SRSF11: variants seen among roughly 807,000 people sequenced by gnomAD.
The protein encoded by SRSF11 is serine/arginine-rich splicing factor 11.
A neutral mutation model predicts 56.0 loss-of-function variants in SRSF11; 9 were observed. The ratio of observed to expected loss-of-function variants is 0.16; its 90% CI spans 0.10 to 0.28. The LOEUF is 0.28. Ranked by LOEUF, SRSF11 falls within the 10% of genes least tolerant of loss-of-function variation. The probability of loss-of-function intolerance (pLI) is 1.00; values close to 1 mark genes in which losing one functional copy is unlikely to be tolerated. For missense variants in SRSF11, 421 were observed against 600.7 expected, an observed-to-expected ratio of 0.70 and a Z score of 3.13; for synonymous variants, 222 against 215.3, an observed-to-expected ratio of 1.03 and a Z score of -0.27.
chr1:70,246,755 T>C, intron 8 of SRSF11, 63 bp from the exon 9 acceptor site: 1 of 981,372 alleles, frequency 1.0e-6, no homozygotes, highest in Non-Finnish European at 1.6e-6. Context: ...GTGTTTGTAG[T>C]GCTATATAAA....
At chr1:70,206,195 A>C (rs930963234) in intron 1 of SRSF11, among the ~76,000 whole-genome samples, 1 of 152,240 alleles carries the variant, frequency 6.6e-6, no homozygotes, top group Admixed American at 6.5e-5. Context: ...TCTGTGTATC[A>C]GACAGTTTAG....
rs1213176197 is a variant in SRSF11 at position 70,252,200 on chromosome 1, CTTAGCTTAGTATCAT to C, written c.*1398_*1412del. The C allele has an allele frequency of 2.0e-5, 3 of 152,130 alleles. No homozygotes were observed. Among genetic ancestry groups the C allele is most frequent in the Non-Finnish European group, 4.4e-5 (3 of 67,964 alleles). The allele number at this position is 152,130 out of a possible 1,614,324, so 9.4% of individuals were successfully genotyped here. ...AATTTCTATCCAAAATAGTCCTTTT[CTTAGCTTAGTATCAT>C]TTTATTGCTTATTTTTTGTGTGGGA... is the stretch of plus-strand genomic sequence containing the variant. On this transcript the variant is annotated 3_prime_UTR_variant, in exon 12 of 12. Coordinates refer to ENST00000370949, the MANE Select transcript of SRSF11 (RefSeq NM_001350605.2).
chr1:70,236,413 C>T (rs1271874967), intron 5 of SRSF11, among the ~76,000 whole-genome samples: 1 of 151,026 alleles, frequency 6.6e-6, no homozygotes, highest in South Asian at 2.1e-4. Context: ...TCACTGCAAC[C>T]TCCGCCTCCC....
chr1:70,250,536 G>A (rs1677765769), intron 11 of SRSF11, 33 bp downstream of exon 11: 1 of 1,607,032 alleles, frequency 6.2e-7, no homozygotes, highest in Non-Finnish European at 8.5e-7. Flanking sequence ...TTTTATATTT[G>A]GGGTGATGTT....
Position 70,221,626 on chromosome 1 carries a change from C to G in SRSF11, c.-11C>G, listed in dbSNP as rs1306989682. 1 of 1,604,784 alleles carries G rather than the reference C, an allele frequency of 6.2e-7. No homozygotes were observed. The highest frequency in any genetic ancestry group is 8.5e-7 in the Non-Finnish European group (1 of 1,175,708). ...ATGTGTTAAAGCAGGAGCGAGAACC[C>G]GAGCAGCGCCATGAGCAACACTACC... On this transcript the variant is annotated 5_prime_UTR_variant, in exon 1 of 12. Coordinates refer to ENST00000370949, the MANE Select transcript of SRSF11 (RefSeq NM_001350605.2).
intron 1 of SRSF11, among the ~76,000 whole-genome samples, chr1:70,211,958 A>T (rs1483379222): frequency 6.6e-6 from 1 of 152,002 alleles, no homozygotes; most frequent in African/African-American, 2.4e-5. Context: ...CTACCATCTC[A>T]TCCCTCCCCT....
At position 70,221,496 on chromosome 1, in the gene SRSF11, C is replaced by T. The variant is rs1670603499; in HGVS notation, c.-141C>T. On this transcript the variant is annotated 5_prime_UTR_variant, in exon 1 of 12. Transcript: ENST00000370949. ...CGGGGCGGAGAAACGGCGGCGGCGGCGGCGGCATCGGCAGCAGTAGCAGAG... is the reference window on the plus strand; with the variant it reads ...CGGGGCGGAGAAACGGCGGCGGCGGTGGCGGCATCGGCAGCAGTAGCAGAG... 1.6e-6 allele frequency: 2 copies of T among 1,227,142 alleles called. No homozygotes were observed. Among genetic ancestry groups the T allele is most frequent in the South Asian group, 1.6e-5 (1 of 62,052 alleles). The allele number at this position is 1,227,142 out of a possible 1,614,324, so 76.0% of individuals were successfully genotyped here.
intron 1 of SRSF11, among the ~76,000 whole-genome samples, chr1:70,223,880 C>T (rs1671177696): frequency 6.6e-6 from 1 of 152,122 alleles, no homozygotes; most frequent in Non-Finnish European, 1.5e-5. Context: ...AAAATTCTAT[C>T]TGTTGTGAAC....
chr1:70,243,181 C>G (rs1431792081), intron 7 of SRSF11, among the ~76,000 whole-genome samples: 1 of 151,666 alleles, frequency 6.6e-6, no homozygotes, highest in Non-Finnish European at 1.5e-5. Context: ...GTACAGTCCC[C>G]TCCGTATATG....
intron 1 of SRSF11, chr1:70,222,687 G>A (rs1670925761): frequency 1.3e-5 from 2 of 152,132 alleles, no homozygotes. Flanking sequence ...CTTATTGGTG[G>A]AGAAGTGACA....
rs548830799 is a variant in SRSF11, at chr1:70,221,455, C to A, written c.-182C>A. The A allele has an allele frequency of 2.3e-6, 2 of 884,252 alleles. No individual in the cohort carries two copies. Among genetic ancestry groups the A allele is most frequent in the Admixed American group, 2.6e-5 (1 of 39,176 alleles). The allele number at this position is 884,252 out of a possible 1,614,324, so 54.8% of individuals were successfully genotyped here. ...TCGAGCTCGCGCGCTCTCATCCCCT[C>A]CCCCGCGGCGTGCGGCGGGGCGGAG... On this transcript the variant is annotated 5_prime_UTR_variant, in exon 1 of 12. Transcript: ENST00000370949.
intron 1 of SRSF11, among the ~76,000 whole-genome samples, chr1:70,227,691 TAC>T (rs1273299687): frequency 6.6e-6 from 1 of 152,242 alleles, no homozygotes; most frequent in Non-Finnish European, 1.5e-5. Flanking sequence ...TTATCTGTCT[TAC>T]TTACACTGCC....
chr1:70,222,255 C>T (rs1174626780), intron 1 of SRSF11, among the ~76,000 whole-genome samples: 1 of 152,114 alleles, frequency 6.6e-6, no homozygotes, highest in East Asian at 1.9e-4. Flanking sequence ...TGGTGTTAAA[C>T]TTTGTAGGTT....
chr1:70,230,408 T>C, intron 2 of SRSF11: 1 of 1,143,270 alleles, frequency 8.7e-7, no homozygotes, highest in South Asian at 1.9e-5. Flanking sequence ...TAGTCTACGG[T>C]AAGGAATAGT....
chr1:70,212,327 G>A (rs944492047), intron 1 of SRSF11, among the ~76,000 whole-genome samples: 7 of 152,038 alleles, frequency 4.6e-5, no homozygotes, highest in African/African-American at 1.7e-4. Context: ...CGAGATCTTG[G>A]CTCACTGCAA....
At chr1:70,231,241 T>C in intron 2 of SRSF11, 1 of 1,214,344 alleles carries the variant, frequency 8.2e-7, no homozygotes, top group Non-Finnish European at 1.0e-6. Flanking sequence ...TTAATATGTA[T>C]TACAGAAATA....
chr1:70,242,702 G>A (rs1571892108), intron 7 of SRSF11, among the ~76,000 whole-genome samples: 1 of 152,060 alleles, frequency 6.6e-6, no homozygotes, highest in Non-Finnish European at 1.5e-5. Flanking sequence ...CTCTTTTGCT[G>A]GTTAAAAGCT....
chr1:70,242,440 C>A (rs528728285), intron 7 of SRSF11, among the ~76,000 whole-genome samples: 2 of 151,404 alleles, frequency 1.3e-5, no homozygotes, highest in Non-Finnish European at 2.9e-5. Context: ...GGACTACAGG[C>A]ATGCACCACC....
chr1:70,210,991 A>G (rs1669511503), intron 1 of SRSF11, among the ~76,000 whole-genome samples: 1 of 152,218 alleles, frequency 6.6e-6, no homozygotes, highest in Non-Finnish European at 1.5e-5. Flanking sequence ...TCAAAAAAGC[A>G]GTATAATATT....
Sources: gnomAD v4.1 joint callset for allele counts (sites outside exome capture counted in the v4.1 genomes callset) on GRCh38, gnomAD v4.1.1 for gene constraint, MANE v1.5 for transcripts, NCBI Gene and HGNC (gene_info 2026-07-23, HGNC 2026-07-21) for gene names.